Variants in TENM3 observed in about 807,000 individuals in gnomAD.
TENM3 encodes teneurin transmembrane protein 3.
A neutral mutation model predicts 255.1 loss-of-function variants in TENM3; 63 were observed. The observed-to-expected ratio is 0.25, with a 90% CI of 0.20 to 0.30. The LOEUF (loss-of-function observed/expected upper bound fraction) is 0.30, where lower values mean the gene tolerates loss of function less well. Ranked by LOEUF, TENM3 falls within the 10% of genes least tolerant of loss-of-function variation. TENM3 has a pLI of 1.00. For synonymous variants in TENM3, 1,306 were observed against 1,322.3 expected (o/e 0.99, Z 0.27); for missense variants, 2,929 against 3,461.1 (o/e 0.85, Z 3.86).
At chr4:182,605,749 G>A (rs1670084123) in intron 4 of TENM3, among the ~76,000 whole-genome samples, 2 of 152,164 alleles carry the variant, frequency 1.3e-5, no homozygotes, top group Non-Finnish European at 1.5e-5. Context: ...AGAGAGAGGA[G>A]GATAATTGAG....
the TENM3 span, among the ~76,000 whole-genome samples, chr4:181,490,334 C>T: frequency 9.2e-5 from 14 of 152,288 alleles, no homozygotes; most frequent in African/African-American, 3.4e-4. Context: ...GGTATCTTGC[C>T]ATCCACAGGT....
At chr4:181,684,918 C>CTTTTTGGCT in the TENM3 span, among the ~76,000 whole-genome samples, 3 of 45,048 alleles carry the variant, frequency 6.7e-5, no homozygotes, top group Admixed American at 3.2e-4. Context: ...CCGTGCCTGG[C>CTTTTTGGCT]TTTTTTTTTT....
the TENM3 span, among the ~76,000 whole-genome samples, chr4:181,868,592 A>G: frequency 1.3e-5 from 2 of 152,166 alleles, no homozygotes; most frequent in South Asian, 2.1e-4. Flanking sequence ...CAACTTGCCC[A>G]AGATCAGCAA....
At chr4:181,526,777 C>T in the TENM3 span, among the ~76,000 whole-genome samples, 1 of 152,138 alleles carries the variant, frequency 6.6e-6, no homozygotes, top group Non-Finnish European at 1.5e-5. Context: ...AGATTAATAG[C>T]AGTTAATTTC....
intron 3 of TENM3, among the ~76,000 whole-genome samples, chr4:182,353,117 G>T (rs558265213): frequency 6.6e-6 from 1 of 152,252 alleles, no homozygotes; most frequent in East Asian, 1.9e-4. Flanking sequence ...TACTGTCTTA[G>T]AATTCTGAAG....
chr4:181,689,472 A>G, the TENM3 span, among the ~76,000 whole-genome samples: 1 of 152,130 alleles, frequency 6.6e-6, no homozygotes, highest in Non-Finnish European at 1.5e-5. Flanking sequence ...GAAAGGGGAA[A>G]TTCACATCTA....
intron 3 of TENM3, among the ~76,000 whole-genome samples, chr4:182,482,159 C>T (rs1734264855): frequency 6.6e-6 from 1 of 152,002 alleles, no homozygotes; most frequent in South Asian, 2.1e-4. Context: ...AATGTAAATT[C>T]AGTGATTTTC....
At position 182,769,966 on chromosome 4, in the gene TENM3, C is replaced by T. The variant is rs994722731; in HGVS notation, c.4893-3506C>T. Reference sequence around the variant, plus strand: ...CTAAAAAATACAAAAATTACCTGGGCGTGGTGGCGGGGGCCTCTAATCCTA... The same window carrying T: ...CTAAAAAATACAAAAATTACCTGGGTGTGGTGGCGGGGGCCTCTAATCCTA... On this transcript the variant is annotated intron_variant, in intron 22 of 27. Coordinates refer to ENST00000511685, the MANE Select transcript of TENM3 (RefSeq NM_001080477.4). 7.2e-4 allele frequency among the ~76,000 whole-genome samples: 108 copies of T among 149,538 alleles called. 1 individual carries two copies. The highest frequency in any genetic ancestry group is 2.3e-3 in the African/African-American group (92 of 40,458).
chr4:182,337,207 C>A (rs1764199360), intron 2 of TENM3, among the ~76,000 whole-genome samples: 1 of 152,114 alleles, frequency 6.6e-6, no homozygotes, highest in African/African-American at 2.4e-5. Context: ...ATAAATTGGA[C>A]TTCATCAAAA....
the TENM3 span, among the ~76,000 whole-genome samples, chr4:181,605,409 G>A: frequency 1.3e-5 from 2 of 149,278 alleles, no homozygotes; most frequent in East Asian, 2.0e-4. Flanking sequence ...GCCCCACGAC[G>A]CTCCAGCCTG....
rs190734603 is a variant in TENM3 at position 182,772,307 on chromosome 4, C to T, written c.4893-1165C>T. Among the ~76,000 whole-genome samples, 13 of 152,302 alleles carry T rather than the reference C, an allele frequency of 8.5e-5. No homozygotes were observed. In the South Asian group the frequency reaches 2.5e-3, roughly 29 times the overall value. The stretch of plus-strand genomic sequence containing the variant: ...TTTACTCCTCACTCCTGTGTGGCCC[C>T]GTGTTTTCACCTACGATTATGATCC... On this transcript the variant is annotated intron_variant, in intron 22 of 27. Coordinates refer to ENST00000511685, the MANE Select transcript of TENM3 (RefSeq NM_001080477.4).
chr4:182,462,994 A>G (rs1267100830), intron 3 of TENM3, among the ~76,000 whole-genome samples: 1 of 152,090 alleles, frequency 6.6e-6, no homozygotes, highest in African/African-American at 2.4e-5. Context: ...ATCCATGTAT[A>G]CTAAAGGCCT....
chr4:182,497,130 T>C (rs1314325364), intron 3 of TENM3, among the ~76,000 whole-genome samples: 9 of 151,908 alleles, frequency 5.9e-5, no homozygotes, highest in Non-Finnish European at 8.8e-5. Flanking sequence ...CTCAGCTCAC[T>C]GTAACCTCCG....
At chr4:181,699,173 G>A in the TENM3 span, among the ~76,000 whole-genome samples, 1 of 152,128 alleles carries the variant, frequency 6.6e-6, no homozygotes, top group Non-Finnish European at 1.5e-5. Context: ...GCTCACACCT[G>A]TAATCCCAGC....
At chr4:181,688,463 A>G in the TENM3 span, among the ~76,000 whole-genome samples, 9 of 151,890 alleles carry the variant, frequency 5.9e-5, no homozygotes, top group Non-Finnish European at 1.2e-4. Flanking sequence ...CTCTTGATAG[A>G]AGCCAATTCA....
the TENM3 span, among the ~76,000 whole-genome samples, chr4:181,451,155 G>A: frequency 2.8e-4 from 43 of 152,258 alleles, no homozygotes; most frequent in African/African-American, 1.0e-3. Flanking sequence ...TAATATTGGA[G>A]CAGACTTAAA....
intron 3 of TENM3, among the ~76,000 whole-genome samples, chr4:182,359,398 C>G (rs1765799976): frequency 6.6e-6 from 1 of 151,010 alleles, no homozygotes; most frequent in African/African-American, 2.4e-5. Context: ...AATTTCAGCT[C>G]CTGTTATTGG....
chr4:181,579,306 C>G, the TENM3 span, among the ~76,000 whole-genome samples: 146 of 152,276 alleles, frequency 9.6e-4, 1 homozygote, highest in African/African-American at 3.3e-3. Flanking sequence ...ACCACTCCCC[C>G]CACATCTACT....
At chr4:182,612,946 A>G (rs1475165350) in intron 4 of TENM3, among the ~76,000 whole-genome samples, 1 of 152,234 alleles carries the variant, frequency 6.6e-6, no homozygotes, top group African/African-American at 2.4e-5. Context: ...GTGACTTACT[A>G]GAATGCCATG....
Sources: gnomAD v4.1 joint callset for allele counts (sites outside exome capture counted in the v4.1 genomes callset) on GRCh38, gnomAD v4.1.1 for gene constraint, MANE v1.5 for transcripts, NCBI Gene and HGNC (gene_info 2026-07-23, HGNC 2026-07-21) for gene names.